Variants in WDFY4 observed in about 807,000 individuals in gnomAD.
WDFY4 encodes the protein WD repeat- and FYVE domain-containing protein 4.
A neutral mutation model predicts 351.9 loss-of-function variants in WDFY4; 169 were observed. That is an observed-to-expected ratio of 0.48 (90% CI 0.42 to 0.55). The LOEUF is 0.55. Ranked by LOEUF, WDFY4 falls within the 20% of genes least tolerant of loss-of-function variation. The pLI is 0.00. For missense variants in WDFY4, 3,803 were observed against 3,935.6 expected, an observed-to-expected ratio of 0.97 and a Z score of 0.90; for synonymous variants, 1,622 against 1,574.6, an observed-to-expected ratio of 1.03 and a Z score of -0.71.
chr10:48,736,170 C>CATACAG, intron 11 of WDFY4, 100 bp downstream of exon 11: 1 of 1,380,110 alleles, frequency 7.2e-7, no homozygotes. Flanking sequence ...CAGTTAGCCA[C>CATACAG]TGTATGTGGC....
chr10:48,935,677 T>C (rs1033402246), intron 47 of WDFY4, among the ~76,000 whole-genome samples: 7 of 152,244 alleles, frequency 4.6e-5, no homozygotes, highest in African/African-American at 1.7e-4. Flanking sequence ...CTTTGCACCC[T>C]TTTTCCACTG....
At chr10:48,852,353 G>A (rs928973778) in intron 39 of WDFY4, among the ~76,000 whole-genome samples, 5 of 152,188 alleles carry the variant, frequency 3.3e-5, no homozygotes, top group Non-Finnish European at 7.3e-5. Flanking sequence ...TAAAATGATA[G>A]TAATCATATA....
Position 48,786,831 on chromosome 10 carries a change from C to T in WDFY4, c.3769C>T (p.Pro1257Ser). Residue 1257 changes from proline (P) to serine (S), a missense_variant, in exon 20 of 62, where the codon CCA becomes TCA. This residue lies in a region of WDFY4 where 3,054 missense variants were observed against 3,148.6 expected (regional missense o/e 0.97). Transcript: ENST00000325239. ...ETLEVINKLG[P>S]RYCGNFQAVH... ...TCTGGAAGTTATTAACAAACTTGGC[C>T]CAAGATATTGTGGTAACTTCCAAGC... 1.3e-6 allele frequency: 2 copies of T among 1,552,138 alleles called. No homozygotes were observed. Among genetic ancestry groups the T allele is most frequent in the Non-Finnish European group, 1.7e-6 (2 of 1,147,080 alleles).
Position 48,743,363 on chromosome 10 carries a change from C to T in WDFY4, c.2274C>T (p.Pro758=), listed in dbSNP as rs1391758993. 6.4e-7 allele frequency: 1 copy of T among 1,551,564 alleles called. No homozygotes were observed. Among genetic ancestry groups the T allele is most frequent in the African/African-American group, 1.4e-5 (1 of 73,040 alleles). Residue 758 remains proline (P), a synonymous_variant, in exon 12 of 62, where the codon CCC becomes CCT. Transcript: ENST00000325239. ...TTTCCTCCAGCGGCTCACTCCCACC[C>T]CGGATACAGAGCTGCCTCCAGATCC... The part of the protein sequence containing the change: ...TAFSSSGSLP[P]RIQSCLQILG...
At chr10:48,689,783 T>A (rs576949375) in intron 1 of WDFY4, among the ~76,000 whole-genome samples, 1 of 152,356 alleles carries the variant, frequency 6.6e-6, no homozygotes, top group East Asian at 1.9e-4. Flanking sequence ...AAAGAAAATA[T>A]ACAAGCTAAT....
At chr10:48,710,586 CAGCTTCTTTGGG>C (rs1175281758) in intron 2 of WDFY4, among the ~76,000 whole-genome samples, 3 of 152,132 alleles carry the variant, frequency 2.0e-5, no homozygotes, top group African/African-American at 7.2e-5. Flanking sequence ...GAAATAAGAC[CAGCTTCTTTGGG>C]AGGGAGGAGA....
intron 58 of WDFY4, among the ~76,000 whole-genome samples, chr10:48,976,279 T>C (rs373701470): frequency 1.3e-5 from 2 of 152,338 alleles, no homozygotes; most frequent in Admixed American, 6.5e-5. Flanking sequence ...AAGACTCAAA[T>C]GTGAGCATAT....
chr10:48,953,199 G>A (rs1841414651), intron 51 of WDFY4, among the ~76,000 whole-genome samples: 1 of 152,126 alleles, frequency 6.6e-6, no homozygotes, highest in Admixed American at 6.5e-5. Flanking sequence ...CCAAGCCCAG[G>A]ATTGCTCCCT....
chr10:48,877,080 G>A lies in WDFY4; in HGVS notation c.7048G>A (p.Val2350Met), dbSNP rs2070047208. Residue 2350 changes from valine to methionine, a missense_variant, in exon 43 of 62, where the codon GTG (valine) becomes ATG (methionine). By Grantham distance (21) the Val-to-Met change is conservative (BLOSUM62 1). This residue lies in a region of WDFY4 where 3,054 missense variants were observed against 3,148.6 expected (regional missense o/e 0.97). Coordinates refer to ENST00000325239, the MANE Select transcript of WDFY4 (RefSeq NM_001394531.1). ...TGAGGGCGAGCCGGACGAGGTGGGG[G>A]TGGACTGCACCCAGCTGACCTTCTT... ...EAEGEPDEVG[V>M]DCTQLTFFPA... The A allele has an allele frequency of 6.5e-7, 1 of 1,535,824 alleles. No individual in the cohort carries two copies. The highest frequency in any genetic ancestry group is 1.4e-5 in the African/African-American group (1 of 72,508).
chr10:48,698,148 T>C (rs1483834162), intron 1 of WDFY4, among the ~76,000 whole-genome samples: 3 of 152,150 alleles, frequency 2.0e-5, no homozygotes, highest in Non-Finnish European at 2.9e-5. Flanking sequence ...CAGACGAGGA[T>C]TGGCACTGTG....
intron 57 of WDFY4, among the ~76,000 whole-genome samples, chr10:48,971,210 A>AC (rs531130814): frequency 3.9e-4 from 60 of 152,306 alleles, no homozygotes; most frequent in Non-Finnish European, 5.9e-4. Context: ...ATAGAAACAA[A>AC]AATAAGCTGT....
intron 51 of WDFY4, among the ~76,000 whole-genome samples, chr10:48,953,333 T>TCA (rs1554820608): frequency 0.024 from 3,043 of 128,112 alleles, 53 homozygotes; most frequent in Non-Finnish European, 0.031. Flanking sequence ...TCTCTCTCTC[T>TCA]CACACACACA....
intron 39 of WDFY4, among the ~76,000 whole-genome samples, chr10:48,843,348 G>T (rs1004425122): frequency 6.6e-6 from 1 of 152,150 alleles, no homozygotes; most frequent in Admixed American, 6.6e-5. Flanking sequence ...GTCCACATCT[G>T]CAGGTCAACT....
At chr10:48,895,027 A>G (rs12252129) in intron 44 of WDFY4, among the ~76,000 whole-genome samples, 8,423 of 152,312 alleles carry the variant, frequency 0.055, 787 homozygotes, top group African/African-American at 0.19. Flanking sequence ...ATCCTACCAC[A>G]ATGCGGCTTA....
intron 47 of WDFY4, among the ~76,000 whole-genome samples, chr10:48,915,621 G>A (rs11101563): frequency 0.048 from 7,277 of 152,150 alleles, 191 homozygotes; most frequent in African/African-American, 0.059. Flanking sequence ...GAATATAGTT[G>A]TATGTTTTCC....
intron 30 of WDFY4, among the ~76,000 whole-genome samples, chr10:48,812,050 A>T (rs999382485): frequency 6.6e-6 from 1 of 151,518 alleles, no homozygotes; most frequent in Non-Finnish European, 1.5e-5. Flanking sequence ...ATCCTCAACC[A>T]CCCACTTAGG....
At position 48,709,875 on chromosome 10, in the gene WDFY4, A is replaced by C; in HGVS notation, c.143A>C (p.Glu48Ala). The change falls in exon 2 of 62, where the codon GAA (glutamate) becomes GCA (alanine). Residue 48 changes from glutamate (E) to alanine (A), a missense_variant. By Grantham distance (107) the Glu-to-Ala change is moderately radical. Transcript: ENST00000325239. The part of the protein sequence containing the change: ...SSPTALWDML[E>A]RKFLEYQQLT... ...CCCACAGCTCTCTGGGACATGCTGG[A>C]AAGGAAGTTTCTGGAATACCAGCAG... 6.4e-7 allele frequency: 1 copy of C among 1,552,010 alleles called. No homozygotes were observed. Among genetic ancestry groups the C allele is most frequent in the Non-Finnish European group, 8.7e-7 (1 of 1,147,062 alleles).
At position 48,727,450 on chromosome 10, in the gene WDFY4, C is replaced by T; in HGVS notation, c.782-20C>T. ...TTGCTTCCAAGCTCAGCAGGTCTCT[C>T]CTGTGCTTCCCTCCTGCAGCCACAG... On this transcript the variant is annotated intron_variant, in intron 6 of 61. Coordinates refer to ENST00000325239, the MANE Select transcript of WDFY4 (RefSeq NM_001394531.1). 2 of 1,550,564 alleles carry T rather than the reference C, an allele frequency of 1.3e-6. No individual in the cohort carries two copies. The highest frequency in any genetic ancestry group is 1.7e-6 in the Non-Finnish European group (2 of 1,146,264).
chr10:48,743,436 G>A lies in WDFY4; in HGVS notation c.2347G>A (p.Asp783Asn). The change falls in exon 12 of 62, where the codon GAC becomes AAC. Residue 783 changes from aspartate (D) to asparagine (N), a missense_variant. Around this residue, in one of 3 missense-constraint regions of WDFY4, gnomAD observed 3,054 missense variants for 3,148.6 expected, o/e 0.97. Transcript: ENST00000325239. Reference protein sequence around the residue: ...MASGTLHLRGDLKESLRTKQG... With the variant: ...MASGTLHLRGNLKESLRTKQG... ...CAGCGGCACCCTCCACTTGCGTGGG[G>A]ACCTGAAGGAGTCCCTGAGGACCAA... 1 of 1,550,968 alleles carries A rather than the reference G, an allele frequency of 6.4e-7. No homozygotes were observed. The highest frequency in any genetic ancestry group is 8.7e-7 in the Non-Finnish European group (1 of 1,146,984).
Sources: allele counts gnomAD v4.1 joint callset (sites outside exome capture counted in the v4.1 genomes callset), GRCh38; gene constraint gnomAD v4.1.1; regional missense constraint gnomAD v4.1.1; transcripts MANE v1.5; gene names NCBI Gene and HGNC (gene_info 2026-07-23, HGNC 2026-07-21).